GSE1: variants seen among roughly 807,000 people sequenced by gnomAD.
GSE1 encodes the protein genetic suppressor element 1.
A neutral mutation model predicts 112.6 loss-of-function variants in GSE1; 32 were observed. The observed-to-expected ratio is 0.28, with a 90% confidence interval of 0.21 to 0.38. The LOEUF (loss-of-function observed/expected upper bound fraction) is 0.38. GSE1 is among the 10% of genes least tolerant of loss of function. The pLI, the probability that GSE1 is intolerant of heterozygous loss-of-function variation, is 1.00. For synonymous variants in GSE1, 1,115 were observed against 735.6 expected, an observed-to-expected ratio of 1.52 and a Z score of -8.35; for missense variants, 2,348 against 1,699.2, an observed-to-expected ratio of 1.38 and a Z score of -6.71.
chr16:85,460,236 G>A (rs1172427153), intron 2 of GSE1, among the ~76,000 whole-genome samples: 5 of 152,170 alleles, frequency 3.3e-5, no homozygotes. Context: ...GATCCTTCCA[G>A]CAGCCTTCTC....
chr16:85,188,272 C>G (rs558771018), intron 1 of GSE1, among the ~76,000 whole-genome samples: 2 of 152,056 alleles, frequency 1.3e-5, no homozygotes, highest in South Asian at 4.2e-4. Flanking sequence ...GCCTGACCGT[C>G]TGTCTGCGGG....
At chr16:85,665,939 C>T (rs768049829) in intron 12 of GSE1, 37 bp from the exon 13 acceptor site, 2 of 1,605,740 alleles carry the variant, frequency 1.2e-6, no homozygotes, top group African/African-American at 1.3e-5. Context: ...TGTTAACTTG[C>T]ATTTCTTAAT....
chr16:85,635,657 G>T (rs571086075), intron 2 of GSE1, among the ~76,000 whole-genome samples: 2 of 152,196 alleles, frequency 1.3e-5, no homozygotes, highest in African/African-American at 4.8e-5. Flanking sequence ...TTTTCTCAGC[G>T]TTTGGGGGCA....
At chr16:85,567,101 C>T (rs1354657101) in intron 1 of GSE1, among the ~76,000 whole-genome samples, 1 of 143,920 alleles carries the variant, frequency 6.9e-6, no homozygotes, top group Non-Finnish European at 1.5e-5. Flanking sequence ...GAAAGTTTCA[C>T]TCACAGGCGG....
chr16:85,595,345 G>A (rs1401024091), intron 1 of GSE1: 1 of 152,224 alleles, frequency 6.6e-6, no homozygotes, highest in Non-Finnish European at 1.5e-5. Context: ...CTTTCTCTTT[G>A]GGGGCCCAGC....
intron 1 of GSE1, chr16:85,285,884 AG>A (rs1188853996): frequency 6.6e-6 from 1 of 152,266 alleles, no homozygotes; most frequent in African/African-American, 2.4e-5. Flanking sequence ...GAACATCACA[AG>A]GAACCACGTG....
intron 1 of GSE1, among the ~76,000 whole-genome samples, chr16:85,199,667 CT>C (rs962090784): frequency 6.6e-6 from 1 of 151,564 alleles, no homozygotes. Context: ...CAGCTCTTCC[CT>C]TTTTTTTTCT....
chr16:85,202,743 C>G (rs1321869002), intron 1 of GSE1, among the ~76,000 whole-genome samples: 2 of 152,250 alleles, frequency 1.3e-5, no homozygotes, highest in African/African-American at 4.8e-5. Context: ...ACCCAGCTCC[C>G]TGTGTCTGTT....
chr16:85,316,060 G>T (rs1269058430), intron 1 of GSE1, among the ~76,000 whole-genome samples: 10 of 152,224 alleles, frequency 6.6e-5, no homozygotes, highest in Non-Finnish European at 1.3e-4. Context: ...CCGATGGACG[G>T]CAGAGGCCAT....
intron 2 of GSE1, among the ~76,000 whole-genome samples, chr16:85,410,984 C>T (rs2048518173): frequency 1.9e-5 from 2 of 106,774 alleles, no homozygotes; most frequent in South Asian, 3.1e-4. Context: ...CTCAGGGCCC[C>T]CCGGATAATC....
chr16:85,319,507 AG>A (rs2046054777), intron 1 of GSE1, among the ~76,000 whole-genome samples: 1 of 152,042 alleles, frequency 6.6e-6, no homozygotes, highest in Non-Finnish European at 1.5e-5. Context: ...CGGGCTGATG[AG>A]CTCCCTGTGT....
intron 1 of GSE1, among the ~76,000 whole-genome samples, chr16:85,350,205 C>T (rs1054293181): frequency 1.3e-5 from 2 of 152,212 alleles, no homozygotes; most frequent in Admixed American, 6.5e-5. Context: ...GAGACATCAG[C>T]TGAGAGCCAG....
At chr16:85,404,098 C>A (rs1416788808) in intron 2 of GSE1, among the ~76,000 whole-genome samples, 1 of 150,958 alleles carries the variant, frequency 6.6e-6, no homozygotes, top group Admixed American at 6.6e-5. Context: ...ACACAGGGCC[C>A]CCCCGGATAA....
chr16:85,500,369 G>C (rs1398833369), intron 2 of GSE1, among the ~76,000 whole-genome samples: 1 of 152,176 alleles, frequency 6.6e-6, no homozygotes, highest in East Asian at 1.9e-4. Flanking sequence ...AATTACGTGT[G>C]GTCTTGGGGA....
exon 1 of GSE1, chr16:85,171,044 C>T (rs1355636716): frequency 3.0e-6 from 3 of 985,798 alleles, no homozygotes; most frequent in Non-Finnish European, 3.6e-6. Flanking sequence ...GCCAGGAGCG[C>T]CATGCATTTC....
At chr16:85,397,990 TG>T (rs986654207) in intron 2 of GSE1, among the ~76,000 whole-genome samples, 2 of 98,370 alleles carry the variant, frequency 2.0e-5, no homozygotes, top group African/African-American at 7.8e-5. Flanking sequence ...GGGGTGGGGT[TG>T]GGGGTGGGGG....
chr16:85,584,600 C>T (rs2046602998), intron 1 of GSE1, among the ~76,000 whole-genome samples: 1 of 151,480 alleles, frequency 6.6e-6, no homozygotes, highest in African/African-American at 2.4e-5. Context: ...TCCCCGCACG[C>T]GTTCTTTCTC....
chr16:85,383,221 AACAC>A (rs929888883), intron 2 of GSE1, among the ~76,000 whole-genome samples: 2 of 151,184 alleles, frequency 1.3e-5, no homozygotes, highest in African/African-American at 2.4e-5. Context: ...TCTGTACATA[AACAC>A]ACACATTCAC....
intron 1 of GSE1, among the ~76,000 whole-genome samples, chr16:85,226,795 G>A (rs1202747474): frequency 6.7e-6 from 1 of 149,538 alleles, no homozygotes; most frequent in Non-Finnish European, 1.5e-5. Context: ...GTGTGTGTGT[G>A]TGTGTGTGTG....
Sources: gnomAD v4.1 joint callset for allele counts (sites outside exome capture counted in the v4.1 genomes callset) on GRCh38, gnomAD v4.1.1 for gene constraint, MANE v1.5 for transcripts, NCBI Gene and HGNC (gene_info 2026-07-23, HGNC 2026-07-21) for gene names.